Variants in MDFIC2 observed in about 807,000 individuals in gnomAD.
The protein encoded by MDFIC2 is myoD family inhibitor domain-containing protein 2.
intron 2 of MDFIC2, among the ~76,000 whole-genome samples, chr3:70,257,177 A>C (rs746031972): frequency 6.6e-6 from 1 of 152,216 alleles, no homozygotes; most frequent in Non-Finnish European, 1.5e-5. Flanking sequence ...AATTTTGTGA[A>C]CTATACATTT....
intron 2 of MDFIC2, among the ~76,000 whole-genome samples, chr3:70,239,907 G>A (rs114359089): frequency 3.9e-5 from 6 of 152,080 alleles, no homozygotes; most frequent in African/African-American, 7.2e-5. Context: ...TTACTCTTGC[G>A]GACAAAATAT....
intron 3 of MDFIC2, among the ~76,000 whole-genome samples, chr3:70,201,181 A>C (rs766174698): frequency 1.3e-5 from 2 of 151,802 alleles, no homozygotes; most frequent in Non-Finnish European, 2.9e-5. Flanking sequence ...ATTTTTCCTG[A>C]TCCTCTCCCT....
chr3:70,296,317 T>C (rs1269978232), intron 2 of MDFIC2, among the ~76,000 whole-genome samples: 1 of 152,116 alleles, frequency 6.6e-6, no homozygotes, highest in Non-Finnish European at 1.5e-5. Context: ...GTTTATTGTC[T>C]TACTAAGTAA....
Position 70,195,705 on chromosome 3 carries a change from A to G in MDFIC2, c.*1221T>C, listed in dbSNP as rs1232612506. Among the ~76,000 whole-genome samples, 1 of 152,188 alleles carries G rather than the reference A, an allele frequency of 6.6e-6. No homozygotes were observed. The highest frequency in any genetic ancestry group is 1.5e-5 in the Non-Finnish European group (1 of 68,034). ...TCATGCATGATGCTTTTTTATATTC[A>G]GTGAAAATATTAAGATATATCCATG... On this transcript the variant is annotated 3_prime_UTR_variant, in exon 4 of 4. Transcript: ENST00000567252.
At chr3:70,199,873 C>T (rs543771046) in intron 3 of MDFIC2, among the ~76,000 whole-genome samples, 9 of 152,316 alleles carry the variant, frequency 5.9e-5, no homozygotes, top group African/African-American at 1.7e-4. Flanking sequence ...CTATTGCCTG[C>T]TGCACGTCTC....
At chr3:70,262,227 G>C (rs1288131995) in intron 2 of MDFIC2, among the ~76,000 whole-genome samples, 1 of 152,144 alleles carries the variant, frequency 6.6e-6, no homozygotes, top group African/African-American at 2.4e-5. Context: ...GAAAATGCAT[G>C]AATAATTATA....
Position 70,245,998 on chromosome 3 carries a change from A to C in MDFIC2, c.89-39208T>G, listed in dbSNP as rs559836963. On this transcript the variant is annotated intron_variant, in intron 2 of 3. Coordinates refer to ENST00000567252, the MANE Select transcript of MDFIC2 (RefSeq NM_001364677.1). ...GGAACTGAAATTGACAACAGCCTACATTTATATAACAATAACTTGCATTGT... is the reference window on the plus strand; with the variant it reads ...GGAACTGAAATTGACAACAGCCTACCTTTATATAACAATAACTTGCATTGT... 2.0e-5 allele frequency among the ~76,000 whole-genome samples: 3 copies of C among 151,762 alleles called. No individual in the cohort carries two copies. The South Asian group carries it at 6.2e-4, about 32-fold the overall frequency.
chr3:70,264,007 A>C (rs1299253305), intron 2 of MDFIC2, among the ~76,000 whole-genome samples: 6 of 152,208 alleles, frequency 3.9e-5, no homozygotes, highest in Non-Finnish European at 8.8e-5. Flanking sequence ...CATGACTGGA[A>C]GCAGTTAACT....
At chr3:70,250,955 CTATT>C (rs1329301601) in intron 2 of MDFIC2, among the ~76,000 whole-genome samples, 12 of 152,262 alleles carry the variant, frequency 7.9e-5, no homozygotes, top group African/African-American at 2.9e-4. Flanking sequence ...GAAAGACAAA[CTATT>C]AAGTAATGAC....
At chr3:70,248,909 A>G (rs1408091760) in intron 2 of MDFIC2, among the ~76,000 whole-genome samples, 1 of 152,152 alleles carries the variant, frequency 6.6e-6, no homozygotes, top group African/African-American at 2.4e-5. Flanking sequence ...CTTACCAGGA[A>G]ATGGGCTAAG....
chr3:70,274,638 C>G (rs9310187), intron 2 of MDFIC2, among the ~76,000 whole-genome samples: 2 of 151,918 alleles, frequency 1.3e-5, no homozygotes, highest in Admixed American at 1.3e-4. Flanking sequence ...GGGGATGGAG[C>G]GGTGGGGAGG....
chr3:70,284,754 G>C (rs1405601282), intron 2 of MDFIC2, among the ~76,000 whole-genome samples: 1 of 152,122 alleles, frequency 6.6e-6, no homozygotes, highest in East Asian at 1.9e-4. Context: ...GGAGGGTGAA[G>C]GGTAGGAGGA....
rs141814304 is a variant in MDFIC2, at chr3:70,235,502, T to G, written c.89-28712A>C. Among the ~76,000 whole-genome samples, 10 of 152,336 alleles carry G rather than the reference T, an allele frequency of 6.6e-5. No individual in the cohort carries two copies. In the East Asian group the frequency reaches 1.9e-3, roughly 29 times the overall value. ...AATTGTTGAATGAATGTTAAACACA[T>G]GAATACATGGCTCTAATCACCAAAT... On this transcript the variant is annotated intron_variant, in intron 2 of 3. Coordinates refer to ENST00000567252, the MANE Select transcript of MDFIC2 (RefSeq NM_001364677.1).
intron 2 of MDFIC2, among the ~76,000 whole-genome samples, chr3:70,232,633 C>T (rs1327595035): frequency 1.3e-5 from 2 of 151,906 alleles, no homozygotes; most frequent in Non-Finnish European, 2.9e-5. Flanking sequence ...CTCCTGAGCT[C>T]GTGATCCGCC....
At chr3:70,230,430 C>G (rs1471245469) in intron 2 of MDFIC2, among the ~76,000 whole-genome samples, 4 of 152,078 alleles carry the variant, frequency 2.6e-5, no homozygotes, top group Non-Finnish European at 5.9e-5. Context: ...TTTTTGACCA[C>G]TAGAACTTTT....
At chr3:70,227,617 T>TG (rs957100472) in intron 2 of MDFIC2, among the ~76,000 whole-genome samples, 4 of 152,334 alleles carry the variant, frequency 2.6e-5, no homozygotes, top group Admixed American at 1.3e-4. Context: ...ATTAGGTTTT[T>TG]GCCATTGAAA....
intron 2 of MDFIC2, among the ~76,000 whole-genome samples, chr3:70,208,380 C>T (rs1035827853): frequency 6.6e-6 from 1 of 152,084 alleles, no homozygotes; most frequent in African/African-American, 2.4e-5. Context: ...ATCTTTATTT[C>T]CCTTTCCAAG....
intron 2 of MDFIC2, among the ~76,000 whole-genome samples, chr3:70,223,230 G>T (rs550389077): frequency 6.6e-6 from 1 of 152,104 alleles, no homozygotes; most frequent in South Asian, 2.1e-4. Context: ...GCTCTTATTT[G>T]TGAGCCACAA....
chr3:70,239,161 G>C (rs545972824), intron 2 of MDFIC2, among the ~76,000 whole-genome samples: 1 of 152,192 alleles, frequency 6.6e-6, no homozygotes, highest in Non-Finnish European at 1.5e-5. Context: ...ATAGTGAAAA[G>C]TGGGGCTAGG....
Sources: allele counts gnomAD v4.1 joint callset (sites outside exome capture counted in the v4.1 genomes callset), GRCh38; gene constraint gnomAD v4.1.1; transcripts MANE v1.5; gene names NCBI Gene and HGNC (gene_info 2026-07-23, HGNC 2026-07-21).